Variants in HECW1 observed in about 807,000 individuals in gnomAD.
HECW1 encodes HECT, C2 and WW domain containing E3 ubiquitin protein ligase 1.
HECW1 carries 61 observed loss-of-function variants against 182.3 expected under a neutral mutation model. The ratio of observed to expected loss-of-function variants is 0.33; its 90% CI spans 0.27 to 0.41. The LOEUF (loss-of-function observed/expected upper bound fraction) is 0.41. Ranked by LOEUF, HECW1 falls within the 10% of genes least tolerant of loss-of-function variation. HECW1 has a pLI of 1.00. For synonymous variants in HECW1, 859 were observed against 832.6 expected (o/e 1.03, Z -0.55); for missense variants, 1,739 against 2,108.9 (o/e 0.82, Z 3.44).
At chr7:43,290,865 G>A (rs900599191) in intron 3 of HECW1, among the ~76,000 whole-genome samples, 3 of 152,188 alleles carry the variant, frequency 2.0e-5, no homozygotes, top group African/African-American at 4.8e-5. Context: ...ATGGTGGAAC[G>A]AAGTTCCAGG....
chr7:43,312,204 C>A, intron 4 of HECW1, 117 bp downstream of exon 4: 1 of 947,652 alleles, frequency 1.1e-6, no homozygotes, highest in Non-Finnish European at 1.6e-6. Context: ...ATGCCAGATT[C>A]TAACACACTG....
chr7:43,123,855 G>A (rs1785897192), intron 2 of HECW1, among the ~76,000 whole-genome samples: 1 of 152,220 alleles, frequency 6.6e-6, no homozygotes, highest in South Asian at 2.1e-4. Flanking sequence ...CCAGAAGTCT[G>A]TGTCCTGCTC....
chr7:43,153,238 T>G (rs1789532608), intron 2 of HECW1, among the ~76,000 whole-genome samples: 1 of 152,210 alleles, frequency 6.6e-6, no homozygotes, highest in African/African-American at 2.4e-5. Flanking sequence ...ATTGTCATTA[T>G]TTCTTGAATT....
At chr7:43,207,713 A>G (rs547344303) in intron 2 of HECW1, 2 of 152,134 alleles carry the variant, frequency 1.3e-5, no homozygotes, top group Admixed American at 6.5e-5. Context: ...CCAGGTATGA[A>G]TGAGAACATA....
intron 11 of HECW1, among the ~76,000 whole-genome samples, chr7:43,447,992 G>T (rs957200805): frequency 2.0e-5 from 3 of 152,020 alleles, no homozygotes; most frequent in African/African-American, 7.2e-5. Flanking sequence ...AATATTAGCT[G>T]GGCACGGTGG....
At chr7:43,354,138 A>G (rs891193094) in intron 5 of HECW1, among the ~76,000 whole-genome samples, 8 of 151,936 alleles carry the variant, frequency 5.3e-5, no homozygotes, top group Admixed American at 5.2e-4. Flanking sequence ...AAAAAGAAAG[A>G]TATCAACAGG....
In HECW1 at chr7:43,169,690, C is replaced by CTTTTTTT. The variant is rs374141328; in HGVS notation, c.-32+55311_-32+55317dup. Among the ~76,000 whole-genome samples, 142 of 113,442 alleles carry CTTTTTTT rather than the reference C, an allele frequency of 1.3e-3. 1 individual carries two copies. The highest frequency in any genetic ancestry group is 2.7e-3 in the African/African-American group (80 of 29,404). The allele number at this position is 113,442 out of a possible 152,430, so 74.4% of individuals were successfully genotyped here. ...TTATCTTTGTATCTTTTTTTCTTTT[C>CTTTTTTT]TTTTTTTTTTTTTTTTTTGAGACGG... On this transcript the variant is annotated intron_variant, in intron 2 of 29. Coordinates refer to ENST00000395891, the MANE Select transcript of HECW1 (RefSeq NM_015052.5).
chr7:43,282,005 C>T (rs1220515306), intron 3 of HECW1, among the ~76,000 whole-genome samples: 1 of 152,190 alleles, frequency 6.6e-6, no homozygotes, highest in African/African-American at 2.4e-5. Flanking sequence ...TGTTTCCTTT[C>T]CAGCTGTCAT....
intron 3 of HECW1, among the ~76,000 whole-genome samples, chr7:43,305,518 C>T (rs866863942): frequency 1.3e-5 from 2 of 152,154 alleles, no homozygotes; most frequent in African/African-American, 4.8e-5. Flanking sequence ...TGGATGACCT[C>T]AGAATTTTTA....
chr7:43,236,807 A>G (rs984742335), intron 2 of HECW1, among the ~76,000 whole-genome samples: 3 of 152,166 alleles, frequency 2.0e-5, no homozygotes, highest in Non-Finnish European at 4.4e-5. Context: ...GGCCCACAAC[A>G]AATTTCCTTG....
At chr7:43,463,959 G>C (rs2077672929) in intron 14 of HECW1, among the ~76,000 whole-genome samples, 160 bp downstream of exon 14, 1 of 152,138 alleles carries the variant, frequency 6.6e-6, no homozygotes. Flanking sequence ...TGCCCGCAAG[G>C]GAAAGCAGAC....
chr7:43,496,464 A>G (rs2079127443), intron 19 of HECW1, among the ~76,000 whole-genome samples: 1 of 152,112 alleles, frequency 6.6e-6, no homozygotes, highest in Admixed American at 6.5e-5. Context: ...GTTCTTCAGG[A>G]GGTCAAGCTT....
At chr7:43,215,695 T>C (rs987476719) in intron 2 of HECW1, among the ~76,000 whole-genome samples, 1 of 152,194 alleles carries the variant, frequency 6.6e-6, no homozygotes, top group African/African-American at 2.4e-5. Flanking sequence ...TGGTAAATGG[T>C]CCATGGATAT....
chr7:43,120,746 T>C (rs1031027321), intron 2 of HECW1, among the ~76,000 whole-genome samples: 1 of 152,056 alleles, frequency 6.6e-6, no homozygotes, highest in Non-Finnish European at 1.5e-5. Flanking sequence ...CAGGCTCAAG[T>C]GATTTTTCTG....
chr7:43,252,177 A>T (rs1240661972), intron 3 of HECW1, among the ~76,000 whole-genome samples: 1 of 152,086 alleles, frequency 6.6e-6, no homozygotes, highest in Non-Finnish European at 1.5e-5. Flanking sequence ...TCCTTACTCC[A>T]TGATAGATAA....
intron 24 of HECW1, among the ~76,000 whole-genome samples, chr7:43,518,123 A>C (rs1055813422): frequency 6.6e-6 from 1 of 152,236 alleles, no homozygotes; most frequent in Non-Finnish European, 1.5e-5. Flanking sequence ...TATTGAGAAC[A>C]TAAAATGAAC....
At chr7:43,270,144 CA>C (rs1373207887) in intron 3 of HECW1, among the ~76,000 whole-genome samples, 7 of 152,182 alleles carry the variant, frequency 4.6e-5, no homozygotes, top group African/African-American at 1.7e-4. Context: ...TAAACCATAA[CA>C]AATCAGCCCT....
intron 16 of HECW1, among the ~76,000 whole-genome samples, chr7:43,471,402 A>G (rs538122819): frequency 9.1e-4 from 139 of 152,148 alleles, no homozygotes; most frequent in African/African-American, 3.2e-3. Flanking sequence ...ACCCTGGACA[A>G]TCTGCTTCTT....
chr7:43,241,249 T>G (rs1174677775), intron 2 of HECW1: 1 of 152,210 alleles, frequency 6.6e-6, no homozygotes. Flanking sequence ...CAGATGGCTT[T>G]TGTGTGGACA....
Sources: allele counts gnomAD v4.1 joint callset (sites outside exome capture counted in the v4.1 genomes callset), GRCh38; gene constraint gnomAD v4.1.1; transcripts MANE v1.5; gene names NCBI Gene and HGNC (gene_info 2026-07-23, HGNC 2026-07-21).